The following CABIN1 variants were observed in gnomAD, a reference collection of about 807,000 sequenced individuals.
The protein encoded by CABIN1 is calcineurin-binding protein cabin-1.
In CABIN1, 133 loss-of-function variants were observed where a neutral mutation model predicts 227.7. The ratio of observed to expected loss-of-function variants is 0.58; its 90% CI spans 0.51 to 0.67. CABIN1 has a LOEUF of 0.67. Among genes scored for constraint, CABIN1 ranks in the 30% least tolerant of loss-of-function variants. The pLI is 0.00. For missense variants in CABIN1, 2,408 were observed against 2,852.5 expected (o/e 0.84, Z 3.55); for synonymous variants, 1,086 against 1,155.1 (o/e 0.94, Z 1.21).
intron 16 of CABIN1, among the ~76,000 whole-genome samples, chr22:24,068,959 G>T (rs955614944): frequency 6.6e-6 from 1 of 152,236 alleles, no homozygotes; most frequent in East Asian, 1.9e-4. Context: ...GTTCTCGAGG[G>T]GGGGCAGACA....
chr22:24,174,255 A>G (rs1569326099), intron 34 of CABIN1, among the ~76,000 whole-genome samples: 1 of 151,886 alleles, frequency 6.6e-6, no homozygotes, highest in East Asian at 1.9e-4. Flanking sequence ...CAGCCTCCCA[A>G]GTAGCTGAGA....
At chr22:24,064,723 C>G (rs1232288278) in intron 15 of CABIN1, among the ~76,000 whole-genome samples, 1 of 151,980 alleles carries the variant, frequency 6.6e-6, no homozygotes, top group Non-Finnish European at 1.5e-5. Context: ...TGACTCTTAA[C>G]GAGCATGCTG....
chr22:24,066,230 C>G (rs2039669369), intron 15 of CABIN1, among the ~76,000 whole-genome samples: 1 of 152,194 alleles, frequency 6.6e-6, no homozygotes, highest in African/African-American at 2.4e-5. Context: ...CACTGGGACA[C>G]TGCAGATCCT....
chr22:24,095,982 T>G lies in CABIN1; in HGVS notation c.3838T>G (p.Ser1280Ala). The change falls in exon 25 of 37, where the codon TCT becomes GCT. Residue 1280 changes from serine (S) to alanine (A), a missense_variant. Physicochemically the swap from Ser to Ala is moderately conservative, Grantham distance 99. This residue lies in a region of CABIN1 where 649 missense variants were observed against 910.3 expected (regional missense o/e 0.71). Transcript: ENST00000263119. ...CCTGAAGCTCCTGGGGAAGCCCGAT[T>G]CTGGGGTTGGTGCAGAGGTCCTGGT... Reference protein sequence around the residue: ...SILKLLGKPDSGVGAEVLVNF... With the variant: ...SILKLLGKPDAGVGAEVLVNF... 6.2e-7 allele frequency: 1 copy of G among 1,614,120 alleles called. No individual in the cohort carries two copies. The highest frequency in any genetic ancestry group is 8.5e-7 in the Non-Finnish European group (1 of 1,180,006).
Position 24,036,274 on chromosome 22 carries a change from G to T in CABIN1, c.96+93G>T, listed in dbSNP as rs954911973. On this transcript the variant is annotated intron_variant, in intron 3 of 36. Coordinates refer to ENST00000263119, the MANE Select transcript of CABIN1 (RefSeq NM_012295.4). ...TACATTTAGGCATCTCCTCAGTGGG[G>T]CTTTAGGGGGAAATTCCATTTTGAA... is the stretch of plus-strand genomic sequence containing the variant. 6 of 892,384 alleles carry T rather than the reference G, an allele frequency of 6.7e-6. No individual in the cohort carries two copies. The East Asian group carries it at 1.5e-4, about 22-fold the overall frequency. The allele number at this position is 892,384 out of a possible 1,614,324, so 55.3% of individuals were successfully genotyped here. A position where few individuals can be genotyped will look rare whatever the true frequency, so the allele number is the denominator to read the frequency against.
At chr22:24,175,268 C>T (rs1569327526) in intron 34 of CABIN1, among the ~76,000 whole-genome samples, 1 of 152,188 alleles carries the variant, frequency 6.6e-6, no homozygotes, top group Non-Finnish European at 1.5e-5. Flanking sequence ...TGGCCATGGC[C>T]GCTGAGGCCT....
intron 1 of CABIN1, among the ~76,000 whole-genome samples, chr22:24,020,386 A>G (rs1022450790): frequency 2.0e-5 from 3 of 151,922 alleles, no homozygotes; most frequent in Non-Finnish European, 2.9e-5. Flanking sequence ...CAGTGGTGCA[A>G]TTACTGCTTA....
intron 19 of CABIN1, among the ~76,000 whole-genome samples, chr22:24,078,349 C>T (rs543722781): frequency 1.1e-4 from 16 of 152,254 alleles, no homozygotes; most frequent in African/African-American, 3.4e-4. Flanking sequence ...TCATTAATTT[C>T]CCCAGAAATG....
chr22:24,049,213 C>G lies in CABIN1; in HGVS notation c.649C>G (p.Leu217Val). Residue 217 changes from leucine (L) to valine (V), a missense_variant, in exon 7 of 37, where the codon CTC becomes GTC. Physicochemically the swap from Leu to Val is conservative, Grantham distance 32 (BLOSUM62 1). Transcript: ENST00000263119. ...CCGGAAGGACTCTCTCAGAATGTTCCTCAAATGGTAAGTCCTGCCTCTTCC... is the reference window on the plus strand; with the variant it reads ...CCGGAAGGACTCTCTCAGAATGTTCGTCAAATGGTAAGTCCTGCCTCTTCC... ...CLRKDSLRMF[L>V]KCDMSIHDVS... is the part of the protein sequence containing the mutation. 1 of 1,613,710 alleles carries G rather than the reference C, an allele frequency of 6.2e-7. No individual in the cohort carries two copies. Among genetic ancestry groups the G allele is most frequent in the Non-Finnish European group, 8.5e-7 (1 of 1,179,930 alleles).
In CABIN1 at chr22:24,038,477, G is replaced by A. The variant is rs745552983; in HGVS notation, c.210+16G>A. On this transcript the variant is annotated intron_variant, in intron 4 of 36. Coordinates refer to ENST00000263119, the MANE Select transcript of CABIN1 (RefSeq NM_012295.4). ...GCTGCGGGAGGTGAGGCATCAGCAG[G>A]CCAGGCAGTGTGCCGTGGTGGTTAG... The A allele has an allele frequency of 1.9e-5, 30 of 1,585,738 alleles. No individual in the cohort carries two copies. The Admixed American group carries it at 3.3e-4, about 18-fold the overall frequency.
At chr22:24,023,191 A>C (rs561259331) in intron 1 of CABIN1, among the ~76,000 whole-genome samples, 7 of 152,342 alleles carry the variant, frequency 4.6e-5, no homozygotes, top group Non-Finnish European at 7.3e-5. Flanking sequence ...TAGTGTTTTC[A>C]AGGTTCATTC....
intron 18 of CABIN1, 65 bp from the exon 19 acceptor site, chr22:24,076,104 G>C: frequency 8.7e-7 from 1 of 1,153,492 alleles, no homozygotes; most frequent in Non-Finnish European, 1.3e-6. Flanking sequence ...ACTGAGCCTC[G>C]CAGCCCCTGC....
intron 29 of CABIN1, among the ~76,000 whole-genome samples, chr22:24,152,684 T>C (rs1259317523): frequency 6.6e-6 from 1 of 152,136 alleles, no homozygotes; most frequent in African/African-American, 2.4e-5. Flanking sequence ...GCACGGTGGC[T>C]CACGCCTGTA....
chr22:24,053,269 G>T (rs2038503254), intron 8 of CABIN1, among the ~76,000 whole-genome samples: 1 of 151,574 alleles, frequency 6.6e-6, no homozygotes, highest in African/African-American at 2.4e-5. Context: ...GTAGAGATGG[G>T]GTTTCACCGT....
rs777398108 is a variant in CABIN1, at chr22:24,042,901, C to T, written c.346-3C>T. On this transcript the variant is annotated splice_region_variant and splice_polypyrimidine_tract_variant and intron_variant, in intron 5 of 36. Coordinates refer to ENST00000263119, the MANE Select transcript of CABIN1 (RefSeq NM_012295.4). ...GTTTGCCCTCTGCTTGTGTCGCTTC[C>T]AGGCAGTGATGCTGGACTCCACAGA... is the stretch of plus-strand genomic sequence containing the variant. 1 of 1,558,110 alleles carries T rather than the reference C, an allele frequency of 6.4e-7. No individual in the cohort carries two copies. Among genetic ancestry groups the T allele is most frequent in the Non-Finnish European group, 8.7e-7 (1 of 1,152,078 alleles).
At chr22:24,049,447 C>T (rs761332659) in intron 7 of CABIN1, among the ~76,000 whole-genome samples, 2 of 152,158 alleles carry the variant, frequency 1.3e-5, no homozygotes, top group Non-Finnish European at 2.9e-5. Flanking sequence ...CTGCTGCCCG[C>T]CTCTCCTGCT....
chr22:24,125,674 C>T (rs1468460365), intron 28 of CABIN1, among the ~76,000 whole-genome samples: 3 of 152,192 alleles, frequency 2.0e-5, no homozygotes, highest in Non-Finnish European at 4.4e-5. Context: ...AACCTTTGCT[C>T]CCTTTCTGTG....
chr22:24,034,567 A>T (rs1003142032), intron 1 of CABIN1, among the ~76,000 whole-genome samples: 1 of 152,186 alleles, frequency 6.6e-6, no homozygotes, highest in Non-Finnish European at 1.5e-5. Flanking sequence ...CTCTGTGAAC[A>T]TTCATGAACA....
chr22:24,064,336 G>A, intron 15 of CABIN1, 149 bp downstream of exon 15: 1 of 890,322 alleles, frequency 1.1e-6, no homozygotes. Flanking sequence ...CTCCTGAGTA[G>A]CTGGGATTAC....
Sources: allele counts gnomAD v4.1 joint callset (sites outside exome capture counted in the v4.1 genomes callset), GRCh38; gene constraint gnomAD v4.1.1; regional missense constraint gnomAD v4.1.1; transcripts MANE v1.5; gene names NCBI Gene and HGNC (gene_info 2026-07-23, HGNC 2026-07-21).